The following GRM8 variants were observed in gnomAD, a reference collection of about 807,000 sequenced individuals.
GRM8 encodes the protein glutamate metabotropic receptor 8.
A neutral mutation model predicts 87.2 loss-of-function variants in GRM8; 47 were observed. The ratio of observed to expected loss-of-function variants is 0.54; its 90% CI spans 0.43 to 0.69. The LOEUF is 0.69. Ranked by LOEUF, GRM8 falls within the 30% of genes least tolerant of loss-of-function variation. The pLI, the probability that GRM8 is intolerant of heterozygous loss-of-function variation, is 0.00. For synonymous variants in GRM8, 396 were observed against 404.5 expected (o/e 0.98, Z 0.25); for missense variants, 1,019 against 1,139.2 (o/e 0.89, Z 1.52).
intron 2 of GRM8, among the ~76,000 whole-genome samples, chr7:127,226,033 T>A (rs2116762606): frequency 6.6e-6 from 1 of 152,324 alleles, no homozygotes; most frequent in South Asian, 2.1e-4. Context: ...ATGTCATTCA[T>A]TATTTCAAAT....
chr7:127,015,245 AAGAAGAAGAAGAAGAAAAGAGAGAG>A (rs1815520842), intron 3 of GRM8, among the ~76,000 whole-genome samples: 1 of 127,060 alleles, frequency 7.9e-6, no homozygotes, highest in African/African-American at 3.0e-5. Context: ...GAAGAAGAAG[AAGAAGAAGAAGAAGAAAAGAGAGAG>A]AGAGAGAGAG....
At chr7:126,951,279 A>G (rs1563347501) in intron 3 of GRM8, among the ~76,000 whole-genome samples, 1 of 152,134 alleles carries the variant, frequency 6.6e-6, no homozygotes, top group South Asian at 2.1e-4. Flanking sequence ...AACTATCTAC[A>G]GAGGGCAGGT....
intron 2 of GRM8, among the ~76,000 whole-genome samples, chr7:127,194,647 C>T (rs535919479): frequency 1.1e-4 from 17 of 152,078 alleles, no homozygotes; most frequent in African/African-American, 2.9e-4. Context: ...ATGTTTAATC[C>T]GTAAGAAGTC....
chr7:126,492,624 T>C (rs935228429), intron 9 of GRM8, among the ~76,000 whole-genome samples: 3 of 152,070 alleles, frequency 2.0e-5, no homozygotes, highest in Admixed American at 1.3e-4. Flanking sequence ...ACAGTAACTA[T>C]CTGGTAACAT....
rs559490685 is a variant in GRM8, at chr7:126,444,492, C to A, written c.2677+1634G>T. Among the ~76,000 whole-genome samples, 10 of 152,170 alleles carry A rather than the reference C, an allele frequency of 6.6e-5. No homozygotes were observed. In the East Asian group the frequency reaches 1.4e-3, roughly 21 times the overall value. ...TGAAATTCTTGTAAGGTTCATTTCT[C>A]TACACGTGACTAAATTTGGTATTGG... On this transcript the variant is annotated intron_variant, in intron 10 of 10. Transcript: ENST00000339582.
chr7:126,477,623 G>GA (rs1563051385), intron 9 of GRM8, among the ~76,000 whole-genome samples: 1 of 122,620 alleles, frequency 8.2e-6, no homozygotes, highest in East Asian at 2.5e-4. Context: ...AAGAAAGAAA[G>GA]AAAGAAAGAA....
intron 3 of GRM8, among the ~76,000 whole-genome samples, chr7:127,055,932 C>G (rs1459541917): frequency 6.6e-6 from 1 of 152,132 alleles, no homozygotes; most frequent in Non-Finnish European, 1.5e-5. Flanking sequence ...GATTTCTGTA[C>G]AAATAAATCT....
intron 6 of GRM8, among the ~76,000 whole-genome samples, chr7:126,867,153 G>T (rs1295929388): frequency 2.0e-5 from 3 of 152,022 alleles, no homozygotes; most frequent in Non-Finnish European, 4.4e-5. Flanking sequence ...TTTTCCTATG[G>T]TTAACAGAAC....
intron 7 of GRM8, among the ~76,000 whole-genome samples, chr7:126,669,678 C>T (rs1361251354): frequency 6.6e-6 from 1 of 152,138 alleles, no homozygotes; most frequent in Non-Finnish European, 1.5e-5. Flanking sequence ...AGTTAGCACA[C>T]AATTAAAGCA....
chr7:127,247,384 T>C (rs1221781994), intron 1 of GRM8, among the ~76,000 whole-genome samples: 1 of 152,166 alleles, frequency 6.6e-6, no homozygotes, highest in African/African-American at 2.4e-5. Flanking sequence ...TATCCAAGAA[T>C]TGTAATTTTT....
chr7:126,462,844 T>C (rs1312632755), intron 9 of GRM8, among the ~76,000 whole-genome samples: 1 of 151,618 alleles, frequency 6.6e-6, no homozygotes, highest in Non-Finnish European at 1.5e-5. Context: ...CCAAGCAACT[T>C]TATAAATGTA....
chr7:126,837,881 T>C (rs1461827817), intron 6 of GRM8, among the ~76,000 whole-genome samples: 1 of 152,238 alleles, frequency 6.6e-6, no homozygotes, highest in Non-Finnish European at 1.5e-5. Context: ...TCCAGTTCAT[T>C]AGCTGTCATC....
intron 1 of GRM8, among the ~76,000 whole-genome samples, chr7:127,249,022 AC>A (rs1200346422): frequency 6.6e-6 from 1 of 152,190 alleles, no homozygotes; most frequent in Non-Finnish European, 1.5e-5. Flanking sequence ...ACAACCGGAA[AC>A]CTTCCTAAGT....
intron 3 of GRM8, among the ~76,000 whole-genome samples, chr7:127,000,206 A>G (rs538533789): frequency 6.6e-6 from 1 of 151,888 alleles, no homozygotes; most frequent in Non-Finnish European, 1.5e-5. Flanking sequence ...AATTGAACTC[A>G]TGGAGAGAGC....
At chr7:126,498,116 G>C (rs1289408418) in intron 9 of GRM8, among the ~76,000 whole-genome samples, 1 of 151,922 alleles carries the variant, frequency 6.6e-6, no homozygotes, top group African/African-American at 2.4e-5. Context: ...TTCATGATGA[G>C]AGGTGGGGTC....
chr7:126,495,754 A>T (rs74661741), intron 9 of GRM8, among the ~76,000 whole-genome samples: 2,807 of 152,132 alleles, frequency 0.018, 80 homozygotes, highest in African/African-American at 0.062. Flanking sequence ...TACTCATGTG[A>T]CAATTGTTAA....
intron 3 of GRM8, among the ~76,000 whole-genome samples, chr7:127,029,194 G>A (rs557563503): frequency 1.3e-4 from 20 of 152,076 alleles, no homozygotes; most frequent in East Asian, 5.8e-4. Context: ...AACTGCGGTC[G>A]GACAGACAGT....
intron 3 of GRM8, chr7:126,981,595 C>T (rs1289764508): frequency 6.6e-6 from 1 of 152,176 alleles, no homozygotes; most frequent in Non-Finnish European, 1.5e-5. Context: ...ATAGACTAAT[C>T]TATTCCTATG....
intron 7 of GRM8, among the ~76,000 whole-genome samples, chr7:126,741,256 A>G (rs1188662624): frequency 6.6e-6 from 1 of 151,626 alleles, no homozygotes; most frequent in Admixed American, 6.6e-5. Flanking sequence ...GTGTGTGTTC[A>G]GTGTTCCCGA....
Sources: allele counts gnomAD v4.1 joint callset (sites outside exome capture counted in the v4.1 genomes callset), GRCh38; gene constraint gnomAD v4.1.1; transcripts MANE v1.5; gene names NCBI Gene and HGNC (gene_info 2026-07-23, HGNC 2026-07-21).